TMEM117: variants seen among roughly 807,000 people sequenced by gnomAD.
TMEM117 encodes transmembrane protein 117.
Under a neutral mutation model 52.4 loss-of-function variants are expected in TMEM117, and 27 were observed. The observed-to-expected ratio is 0.51, with a 90% CI of 0.38 to 0.71. The LOEUF (loss-of-function observed/expected upper bound fraction) is 0.71. Among genes scored for constraint, TMEM117 ranks in the 30% least tolerant of loss-of-function variants. The probability of loss-of-function intolerance (pLI) is 0.00; values close to 1 mark genes in which losing one functional copy is unlikely to be tolerated. For synonymous variants in TMEM117, 215 were observed against 206.3 expected (o/e 1.04, Z -0.36); for missense variants, 556 against 630.5 (o/e 0.88, Z 1.26).
intron 5 of TMEM117, among the ~76,000 whole-genome samples, chr12:44,239,028 A>G (rs918347565): frequency 6.6e-6 from 1 of 152,162 alleles, no homozygotes; most frequent in African/African-American, 2.4e-5. Context: ...AAATATCTGC[A>G]TTAATATAGG....
chr12:44,019,585 G>A (rs1776767644), intron 3 of TMEM117, among the ~76,000 whole-genome samples: 1 of 152,054 alleles, frequency 6.6e-6, no homozygotes, highest in African/African-American at 2.4e-5. Context: ...AGGCAAATAA[G>A]TTTAATGTGC....
intron 5 of TMEM117, among the ~76,000 whole-genome samples, chr12:44,295,704 T>A (rs1184464027): frequency 6.6e-6 from 1 of 152,148 alleles, no homozygotes; most frequent in Non-Finnish European, 1.5e-5. Context: ...TTCTATTTTT[T>A]ATGAACTTCT....
chr12:43,989,335 A>G (rs1025135455), intron 3 of TMEM117, among the ~76,000 whole-genome samples: 4 of 152,094 alleles, frequency 2.6e-5, no homozygotes, highest in African/African-American at 7.2e-5. Flanking sequence ...TGGAATGGGA[A>G]GTAGGCTGAC....
chr12:44,014,472 T>G (rs1946343911), intron 3 of TMEM117, among the ~76,000 whole-genome samples: 1 of 152,178 alleles, frequency 6.6e-6, no homozygotes, highest in African/African-American at 2.4e-5. Flanking sequence ...GGGTATGTCC[T>G]GAGAATTTCT....
Position 44,244,894 on chromosome 12 carries a change from T to C in TMEM117, c.608+33507T>C, listed in dbSNP as rs140777943. ...ATATGAGGTGAGATAAGGGTCCAAT[T>C]TTATTCTTCTGTATTTTGGTATCAG... is the stretch of plus-strand genomic sequence containing the variant. On this transcript the variant is annotated intron_variant, in intron 5 of 7. Coordinates refer to ENST00000266534, the MANE Select transcript of TMEM117 (RefSeq NM_032256.3). Among the ~76,000 whole-genome samples, 3 of 152,146 alleles carry C rather than the reference T, an allele frequency of 2.0e-5. No individual in the cohort carries two copies. In the East Asian group the frequency reaches 5.8e-4, roughly 29 times the overall value.
chr12:43,796,673 C>T, the TMEM117 span, among the ~76,000 whole-genome samples: 4 of 152,102 alleles, frequency 2.6e-5, no homozygotes, highest in Admixed American at 6.5e-5. Context: ...CTAACCAATA[C>T]GGTAGCCAGT....
chr12:43,844,727 A>G lies in TMEM117; in HGVS notation c.76A>G (p.Asn26Asp). Residue 26 changes from asparagine to aspartate, a missense_variant, in exon 2 of 8, where the codon AAC (asparagine) becomes GAC (aspartate). By Grantham distance (23) the Asn-to-Asp change is conservative. Around this residue, in one of 3 missense-constraint regions of TMEM117, gnomAD observed 328 missense variants for 371.4 expected, o/e 0.88. Transcript: ENST00000266534. ...TGTGGCTTACTTGGTGATCTTCTTT[A>G]ACTTCTTAATATTTGCGGAGGACCC... ...MIVAYLVIFF[N>D]FLIFAEDPVS... 6.2e-7 allele frequency: 1 copy of G among 1,614,188 alleles called. No individual in the cohort carries two copies. The highest frequency in any genetic ancestry group is 8.5e-7 in the Non-Finnish European group (1 of 1,180,040).
chr12:43,938,997 C>T (rs1197050105), intron 2 of TMEM117, among the ~76,000 whole-genome samples: 1 of 142,526 alleles, frequency 7.0e-6, no homozygotes, highest in Non-Finnish European at 1.5e-5. Flanking sequence ...GAGACTCCGT[C>T]TCAAAATAAA....
intron 3 of TMEM117, among the ~76,000 whole-genome samples, chr12:44,116,230 C>T (rs569223415): frequency 2.6e-5 from 4 of 152,304 alleles, no homozygotes; most frequent in Admixed American, 6.5e-5. Flanking sequence ...TGTTATATCG[C>T]TTTACAATAC....
intron 6 of TMEM117, among the ~76,000 whole-genome samples, chr12:44,347,656 T>A (rs183458541): frequency 9.5e-4 from 145 of 152,168 alleles, no homozygotes; most frequent in African/African-American, 3.2e-3. Context: ...GTCCCTTCTC[T>A]CTTGGGAAGC....
intron 6 of TMEM117, among the ~76,000 whole-genome samples, chr12:44,321,049 G>A (rs912412596): frequency 6.6e-6 from 1 of 152,154 alleles, no homozygotes; most frequent in African/African-American, 2.4e-5. Context: ...TCGGATCAAT[G>A]TACTTGTGTG....
At chr12:44,019,262 A>G (rs1946419541) in intron 3 of TMEM117, among the ~76,000 whole-genome samples, 1 of 151,922 alleles carries the variant, frequency 6.6e-6, no homozygotes, top group Non-Finnish European at 1.5e-5. Flanking sequence ...GACAAAGACC[A>G]TCTCAGGCAA....
At position 44,198,091 on chromosome 12, in the gene TMEM117, A is replaced by G. The variant is rs537610413; in HGVS notation, c.511-13199A>G. The stretch of plus-strand genomic sequence containing the variant: ...ATTCACTTAACTGTATACTCAGGTA[A>G]TGTTCCTCAGTGAGTATGCATAATC... On this transcript the variant is annotated intron_variant, in intron 4 of 7. Transcript: ENST00000266534. 2.4e-4 allele frequency among the ~76,000 whole-genome samples: 36 copies of G among 152,268 alleles called. 1 individual carries two copies. The East Asian group carries it at 4.4e-3, about 19-fold the overall frequency.
chr12:44,226,060 C>T (rs1198805833), intron 5 of TMEM117, among the ~76,000 whole-genome samples: 1 of 152,204 alleles, frequency 6.6e-6, no homozygotes. Flanking sequence ...CTTATAGACT[C>T]TACATTTACA....
At chr12:44,091,943 A>G (rs774293554) in intron 3 of TMEM117, among the ~76,000 whole-genome samples, 9 of 152,236 alleles carry the variant, frequency 5.9e-5, no homozygotes. Context: ...CTACACCCAC[A>G]TTTTCTGGTG....
chr12:44,071,968 C>T (rs1030829704), intron 3 of TMEM117, among the ~76,000 whole-genome samples: 4 of 152,170 alleles, frequency 2.6e-5, no homozygotes, highest in Non-Finnish European at 4.4e-5. Flanking sequence ...TGTAGATTTT[C>T]TGCAAATGAC....
chr12:43,840,854 G>C (rs1466729784), intron 1 of TMEM117, among the ~76,000 whole-genome samples: 1 of 151,968 alleles, frequency 6.6e-6, no homozygotes, highest in Non-Finnish European at 1.5e-5. Flanking sequence ...TAGTCCATTT[G>C]AACAGCCTCA....
chr12:44,328,891 T>A (rs531978746), intron 6 of TMEM117, among the ~76,000 whole-genome samples: 3 of 151,984 alleles, frequency 2.0e-5, no homozygotes, highest in Non-Finnish European at 4.4e-5. Flanking sequence ...CTTTAAAGGT[T>A]TAGGGACCTG....
intron 3 of TMEM117, chr12:44,010,033 G>T (rs753329893): frequency 3.2e-4 from 119 of 372,028 alleles, no homozygotes; most frequent in Non-Finnish European, 5.3e-4. Flanking sequence ...CTATTTATGT[G>T]GTGTACTTCT....
Sources: gnomAD v4.1 joint callset for allele counts (sites outside exome capture counted in the v4.1 genomes callset) on GRCh38, gnomAD v4.1.1 for gene constraint, gnomAD v4.1.1 regional missense constraint, MANE v1.5 for transcripts, NCBI Gene and HGNC (gene_info 2026-07-23, HGNC 2026-07-21) for gene names.